PLIN3: variants seen among roughly 807,000 people sequenced by gnomAD.
PLIN3 encodes perilipin 3.
PLIN3 carries 30 observed loss-of-function variants against 35.9 expected under a neutral mutation model. The observed-to-expected ratio is 0.84, with a 90% CI of 0.62 to 1.13. PLIN3 has a LOEUF of 1.13. PLIN3 is among the 50% of genes most tolerant of loss of function. PLIN3 has a pLI of 0.00. For missense variants in PLIN3, 603 were observed against 596.9 expected (o/e 1.01, Z -0.11); for synonymous variants, 261 against 262.5 (o/e 0.99, Z 0.06).
At chr19:4,845,559 C>G (rs1340778679) in intron 6 of PLIN3, among the ~76,000 whole-genome samples, 2 of 152,038 alleles carry the variant, frequency 1.3e-5, no homozygotes, top group African/African-American at 4.8e-5. Flanking sequence ...CAGTTGAGCT[C>G]AGTAGCTCCA....
rs1177137897 is a variant in PLIN3, at chr19:4,843,507, C to CAAAAAAAAAAA, written c.960+1160_960+1161insTTTTTTTTTTT. Among the ~76,000 whole-genome samples the CAAAAAAAAAAA allele has an allele frequency of 3.3e-4, 13 of 39,448 alleles. 1 individual carries two copies. The South Asian group carries it at 3.5e-3, about 11-fold the overall frequency. The allele number at this position is 39,448 out of a possible 152,430, so 25.9% of individuals were successfully genotyped here. A position where few individuals can be genotyped will look rare whatever the true frequency, so the allele number is the denominator to read the frequency against. On this transcript the variant is annotated intron_variant, in intron 7 of 7. Coordinates refer to ENST00000221957, the MANE Select transcript of PLIN3 (RefSeq NM_005817.5). ...TGGGTGACAGAGCGAGACTCCATCT[C>CAAAAAAAAAAA]AAAAAATAAATAAATAAATAAATAA...
intron 4 of PLIN3, among the ~76,000 whole-genome samples, chr19:4,854,424 CAG>C (rs1301711106): frequency 7.0e-6 from 1 of 141,860 alleles, no homozygotes; most frequent in Non-Finnish European, 1.6e-5. Context: ...TTTTTTTTTA[CAG>C]AGTTTTTGCT....
At position 4,859,895 on chromosome 19, in the gene PLIN3, C is replaced by T. The variant is rs747927169; in HGVS notation, c.196G>A (p.Gly66Arg). 1.9e-6 allele frequency: 3 copies of T among 1,613,866 alleles called. No individual in the cohort carries two copies. Among genetic ancestry groups the T allele is most frequent in the Non-Finnish European group, 1.7e-6 (2 of 1,180,028 alleles). The change falls in exon 3 of 8, where the codon GGA becomes AGA. Residue 66 changes from glycine to arginine, a missense_variant. Transcript: ENST00000221957. ...GCAGCCGCCGTGAGGGTCCTCACTC[C>T]CTTCTCTGCTGCGTCGCAGACAGTC... ...IKTVCDAAEKGVRTLTAAAVS... is the reference protein window; with the variant it reads ...IKTVCDAAEKRVRTLTAAAVS...
intron 6 of PLIN3, among the ~76,000 whole-genome samples, chr19:4,845,925 CAA>C (rs59469893): frequency 2.6e-4 from 12 of 46,626 alleles, no homozygotes; most frequent in Admixed American, 2.7e-4. Context: ...GACTCCGTCT[CAA>C]AAAAAAAAAA....
At chr19:4,866,458 G>A (rs542081398) in intron 1 of PLIN3, among the ~76,000 whole-genome samples, 24 of 152,302 alleles carry the variant, frequency 1.6e-4, no homozygotes, top group Admixed American at 1.5e-3. Context: ...GTGGACTGGA[G>A]GAGACGCTGC....
chr19:4,859,578 G>A lies in PLIN3; in HGVS notation c.348+12C>T, dbSNP rs370143081. On this transcript the variant is annotated intron_variant, in intron 4 of 7. Transcript: ENST00000221957. Reference sequence around the variant, plus strand: ...CTGTCTCGACAGAGCCCCTGAGGACGGACATCGTTACCTTCTCCGTGGGCT... The same window carrying A: ...CTGTCTCGACAGAGCCCCTGAGGACAGACATCGTTACCTTCTCCGTGGGCT... 7.1e-5 allele frequency: 114 copies of A among 1,612,484 alleles called. No individual in the cohort carries two copies. Among genetic ancestry groups the A allele is most frequent in the Middle Eastern group, 1.7e-4 (1 of 6,046 alleles).
chr19:4,850,831 A>C (rs1408297540), intron 5 of PLIN3, among the ~76,000 whole-genome samples: 1 of 151,746 alleles, frequency 6.6e-6, no homozygotes, highest in African/African-American at 2.4e-5. Context: ...TCGGCCCACC[A>C]AAGTGCTGGG....
chr19:4,849,162 G>C (rs771112175), intron 5 of PLIN3, among the ~76,000 whole-genome samples: 1 of 151,706 alleles, frequency 6.6e-6, no homozygotes, highest in Non-Finnish European at 1.5e-5. Context: ...TTGTAGGAAT[G>C]GGGTCTCACT....
At chr19:4,842,826 G>C (rs955786306) in intron 7 of PLIN3, among the ~76,000 whole-genome samples, 1 of 151,998 alleles carries the variant, frequency 6.6e-6, no homozygotes, top group Non-Finnish European at 1.5e-5. Context: ...TCTGCCTCCC[G>C]AACAATTTGC....
intron 6 of PLIN3, among the ~76,000 whole-genome samples, chr19:4,846,990 A>G (rs1236239439): frequency 1.3e-5 from 2 of 151,594 alleles, no homozygotes; most frequent in Non-Finnish European, 2.9e-5. Context: ...CCCGGGTTCA[A>G]GCGATTCTCC....
intron 4 of PLIN3, among the ~76,000 whole-genome samples, chr19:4,857,479 G>A (rs1161147224): frequency 6.6e-6 from 1 of 151,950 alleles, no homozygotes; most frequent in Non-Finnish European, 1.5e-5. Flanking sequence ...GAGATGGGAG[G>A]ATCACTTGAG....
chr19:4,852,680 G>C (rs999498216), intron 4 of PLIN3, among the ~76,000 whole-genome samples: 3 of 150,216 alleles, frequency 2.0e-5, no homozygotes, highest in Non-Finnish European at 4.4e-5. Context: ...TTGCTCTCTT[G>C]CCCAGGCTGG....
chr19:4,844,839 G>C, intron 6 of PLIN3, 46 bp from the exon 7 acceptor site: 2 of 1,533,470 alleles, frequency 1.3e-6, no homozygotes, highest in Non-Finnish European at 1.8e-6. Flanking sequence ...TCCCCTGGGA[G>C]AGACGGGATT....
chr19:4,857,982 A>G (rs2030528425), intron 4 of PLIN3, among the ~76,000 whole-genome samples: 1 of 150,918 alleles, frequency 6.6e-6, no homozygotes, highest in Non-Finnish European at 1.5e-5. Flanking sequence ...ATCTTAAAAA[A>G]AAAAAGAGGG....
intron 4 of PLIN3, among the ~76,000 whole-genome samples, chr19:4,855,767 T>TA (rs916548964): frequency 1.3e-5 from 2 of 151,512 alleles, no homozygotes; most frequent in African/African-American, 2.4e-5. Flanking sequence ...TACAAAAAAT[T>TA]AAAAAATTAG....
chr19:4,867,445 G>T (rs1025198616), intron 1 of PLIN3, among the ~76,000 whole-genome samples, 164 bp downstream of exon 1: 1 of 152,120 alleles, frequency 6.6e-6, no homozygotes, highest in Middle Eastern at 3.4e-3. Flanking sequence ...GGATTTTTCT[G>T]GGGGGAGGGG....
intron 1 of PLIN3, among the ~76,000 whole-genome samples, 153 bp from the exon 2 acceptor site, chr19:4,861,564 G>A (rs975107328): frequency 6.6e-6 from 1 of 151,852 alleles, no homozygotes; most frequent in African/African-American, 2.4e-5. Flanking sequence ...AGTGACCTCT[G>A]GACTTTGTTC....
chr19:4,859,842 G>A lies in PLIN3; in HGVS notation c.249C>T (p.Ser83=), dbSNP rs892227902. The A allele has an allele frequency of 6.2e-7, 1 of 1,613,190 alleles. No homozygotes were observed. Among genetic ancestry groups the A allele is most frequent in the Non-Finnish European group, 8.5e-7 (1 of 1,179,970 alleles). ...TTCACCCACTCTGGGGCTCCAGCTT[G>A]GAGAGGATCGGCTGAGCCCCGCTGA... ...AAVSGAQPIL[S]KLEPQIASAS... The change falls in exon 3 of 8, where the codon TCC becomes TCT. Residue 83 remains serine, a synonymous_variant. Transcript: ENST00000221957.
Position 4,861,367 on chromosome 19 carries a change from C to T in PLIN3, c.28G>A (p.Gly10Ser). Residue 10 changes from glycine (G) to serine (S), a missense_variant, in exon 2 of 8, where the codon GGC becomes AGC. Coordinates refer to ENST00000221957, the MANE Select transcript of PLIN3 (RefSeq NM_005817.5). Reference sequence around the variant, plus strand: ...TCTTCCACTGTCACCTGGGTGCTGCCATCAGCCTCTGCCCCGTCGGCAGAC... The same window carrying T: ...TCTTCCACTGTCACCTGGGTGCTGCTATCAGCCTCTGCCCCGTCGGCAGAC... The part of the protein sequence containing the change: MSADGAEAD[G>S]STQVTVEEPV... 6.2e-7 allele frequency: 1 copy of T among 1,613,754 alleles called. No individual in the cohort carries two copies. The highest frequency in any genetic ancestry group is 8.5e-7 in the Non-Finnish European group (1 of 1,179,988).
Sources: allele counts gnomAD v4.1 joint callset (sites outside exome capture counted in the v4.1 genomes callset), GRCh38; gene constraint gnomAD v4.1.1; transcripts MANE v1.5; gene names NCBI Gene and HGNC (gene_info 2026-07-23, HGNC 2026-07-21).